WTIP: variants seen among roughly 807,000 people sequenced by gnomAD.
WTIP encodes WT1 interacting protein, also known as Wilms tumor protein 1-interacting protein.
A neutral mutation model predicts 41.7 loss-of-function variants in WTIP; 23 were observed. That is an observed-to-expected ratio of 0.55 (90% CI 0.40 to 0.78). WTIP has a LOEUF of 0.78. Ranked by LOEUF, WTIP falls within the 30% of genes least tolerant of loss-of-function variation. The probability of loss-of-function intolerance (pLI) is 0.00; values close to 1 mark genes in which losing one functional copy is unlikely to be tolerated. For synonymous variants in WTIP, 314 were observed against 269.9 expected, an observed-to-expected ratio of 1.16 and a Z score of -1.60; for missense variants, 619 against 610.5, an observed-to-expected ratio of 1.01 and a Z score of -0.15.
Position 34,482,375 on chromosome 19 carries a change from C to A in WTIP, c.401C>A (p.Pro134Gln). 7.3e-7 allele frequency: 1 copy of A among 1,374,328 alleles called. No homozygotes were observed. The highest frequency in any genetic ancestry group is 9.4e-7 in the Non-Finnish European group (1 of 1,061,058). The allele number at this position is 1,374,328 out of a possible 1,614,324, so 85.1% of individuals were successfully genotyped here. A position where few individuals can be genotyped will look rare whatever the true frequency, so the allele number is the denominator to read the frequency against. ...GRSDPRPGPG[P>Q]PSVGSARSSV... ...TCGGACCCGCGTCCCGGTCCCGGGCCGCCTTCGGTGGGCAGCGCCCGCTCC... is the reference window on the plus strand; with the variant it reads ...TCGGACCCGCGTCCCGGTCCCGGGCAGCCTTCGGTGGGCAGCGCCCGCTCC... The change falls in exon 1 of 8, where the codon CCG becomes CAG. Residue 134 changes from proline (P) to glutamine (Q), a missense_variant. Physicochemically the swap from Pro to Gln is moderately conservative, Grantham distance 76. Around this residue, in one of 3 missense-constraint regions of WTIP, gnomAD observed 363 missense variants for 309.0 expected, o/e 1.17. Transcript: ENST00000590071.
Position 34,510,348 on chromosome 19 carries a change from G to C in WTIP, c.*10079G>C, listed in dbSNP as rs376757558. The C allele has an allele frequency of 6.6e-6, 1 of 152,276 alleles. No individual in the cohort carries two copies. The highest frequency in any genetic ancestry group is 1.5e-5 in the Non-Finnish European group (1 of 68,082). 9.4% of individuals were successfully genotyped at this position (152,276 alleles called of 1,614,324 possible). A position where few individuals can be genotyped will look rare whatever the true frequency, so the allele number is the denominator to read the frequency against. Reference sequence around the variant, plus strand: ...ATGGTAGCTGCCAAGGTTGGGGTTTGCACTCTCTGAAACCATGGGCTGAGC... The same window carrying C: ...ATGGTAGCTGCCAAGGTTGGGGTTTCCACTCTCTGAAACCATGGGCTGAGC... On this transcript the variant is annotated 3_prime_UTR_variant, in exon 8 of 8. Coordinates refer to ENST00000590071, the MANE Select transcript of WTIP (RefSeq NM_001080436.2).
chr19:34,500,929 C>T lies in WTIP; in HGVS notation c.*660C>T, dbSNP rs1463871149. On this transcript the variant is annotated 3_prime_UTR_variant, in exon 8 of 8. Coordinates refer to ENST00000590071, the MANE Select transcript of WTIP (RefSeq NM_001080436.2). The stretch of plus-strand genomic sequence containing the variant: ...GGCCCCAGTTGCCGCCCTGCTCCCT[C>T]TTCCAGGGCTCCTGGCTTGGGCCCC... 1.3e-5 allele frequency: 2 copies of T among 152,658 alleles called. No individual in the cohort carries two copies. The highest frequency in any genetic ancestry group is 3.9e-4 in the East Asian group (2 of 5,182). The allele number at this position is 152,658 out of a possible 1,614,324, so 9.5% of individuals were successfully genotyped here. A position where few individuals can be genotyped will look rare whatever the true frequency, so the allele number is the denominator to read the frequency against.
chr19:34,495,409 A>G (rs1187812214), intron 6 of WTIP, among the ~76,000 whole-genome samples: 1 of 151,742 alleles, frequency 6.6e-6, no homozygotes, highest in Non-Finnish European at 1.5e-5. Flanking sequence ...AAAAAAAAAA[A>G]GGATCAGTGA....
Position 34,494,587 on chromosome 19 carries a change from G to C in WTIP, c.1033G>C (p.Val345Leu). 6.2e-7 allele frequency: 1 copy of C among 1,613,260 alleles called. No homozygotes were observed. Among genetic ancestry groups the C allele is most frequent in the African/African-American group, 1.3e-5 (1 of 74,992 alleles). Residue 345 changes from valine (V) to leucine (L), a missense_variant and splice_region_variant, in exon 6 of 8, where the codon GTT becomes CTT. Physicochemically the swap from Val to Leu is conservative, Grantham distance 32. Around this residue, in one of 3 missense-constraint regions of WTIP, gnomAD observed 164 missense variants for 219.1 expected, o/e 0.75. Coordinates refer to ENST00000590071, the MANE Select transcript of WTIP (RefSeq NM_001080436.2). ...TTCTGGTTTCCTTTATTTCTCTAGG[G>C]TTTTTGCACCAAAATGCGCCTCCTG... ...NIYCVRDYHT[V>L]FAPKCASCAR...
At chr19:34,497,253 C>T (rs1024901062) in intron 7 of WTIP, among the ~76,000 whole-genome samples, 1 of 152,194 alleles carries the variant, frequency 6.6e-6, no homozygotes, top group Admixed American at 6.5e-5. Context: ...CCCTGGGCAG[C>T]TGGAGCAGTC....
At position 34,509,604 on chromosome 19, in the gene WTIP, AC is replaced by A. The variant is rs1486318830; in HGVS notation, c.*9337del. ...AAATCTCATGTCCTCACATTTCAAA[AC>A]CAATCATGACTTCCCAACAGTCCCC... is the stretch of plus-strand genomic sequence containing the variant. On this transcript the variant is annotated 3_prime_UTR_variant, in exon 8 of 8. Transcript: ENST00000590071. The A allele has an allele frequency of 1.5e-4, 23 of 152,258 alleles. No individual in the cohort carries two copies. The highest frequency in any genetic ancestry group is 5.3e-4 in the African/African-American group (22 of 41,542). The allele number at this position is 152,258 out of a possible 1,614,324, so 9.4% of individuals were successfully genotyped here.
Position 34,481,953 on chromosome 19 carries a change from G to A in WTIP, c.-22G>A. 5 of 997,156 alleles carry A rather than the reference G, an allele frequency of 5.0e-6. No homozygotes were observed. The highest frequency in any genetic ancestry group is 6.0e-6 in the Non-Finnish European group (5 of 839,098). 61.8% of individuals were successfully genotyped at this position (997,156 alleles called of 1,614,324 possible). A position where few individuals can be genotyped will look rare whatever the true frequency, so the allele number is the denominator to read the frequency against. ...CGGGAAGCGGAGGCGGAGGTGACGC[G>A]CCAGGGCCGGCGGGCCGGGCCATGC... On this transcript the variant is annotated 5_prime_UTR_variant, in exon 1 of 8. Coordinates refer to ENST00000590071, the MANE Select transcript of WTIP (RefSeq NM_001080436.2).
At chr19:34,494,975 G>A (rs1439092041) in intron 6 of WTIP, among the ~76,000 whole-genome samples, 1 of 152,238 alleles carries the variant, frequency 6.6e-6, no homozygotes, top group Non-Finnish European at 1.5e-5. Context: ...GATGGACGTG[G>A]TCTGTGCGGG....
Position 34,490,289 on chromosome 19 carries a change from G to A in WTIP, c.668-87G>A, listed in dbSNP as rs572801974. 59 of 1,248,342 alleles carry A rather than the reference G, an allele frequency of 4.7e-5. No homozygotes were observed. The African/African-American group carries it at 8.1e-4, about 17-fold the overall frequency. The allele number at this position is 1,248,342 out of a possible 1,614,324, so 77.3% of individuals were successfully genotyped here. On this transcript the variant is annotated intron_variant, in intron 1 of 7. Coordinates refer to ENST00000590071, the MANE Select transcript of WTIP (RefSeq NM_001080436.2). ...AAAGTTAGCATCCCCCAGGTCAAGC[G>A]GGTGGGCGGTGTCAAGACGGGGAGT...
Position 34,506,771 on chromosome 19 carries a change from A to G in WTIP, c.*6502A>G, listed in dbSNP as rs1306018546. On this transcript the variant is annotated 3_prime_UTR_variant, in exon 8 of 8. Transcript: ENST00000590071. Reference sequence around the variant, plus strand: ...CTAGACGCTATCTCAAAAATAAATAAATAAATAAATAAATAAATAAATAAA... The same window carrying G: ...CTAGACGCTATCTCAAAAATAAATAGATAAATAAATAAATAAATAAATAAA... 7.6e-6 allele frequency: 1 copy of G among 131,764 alleles called. No homozygotes were observed. The highest frequency in any genetic ancestry group is 2.7e-5 in the African/African-American group (1 of 37,254). 8.2% of individuals were successfully genotyped at this position (131,764 alleles called of 1,614,324 possible).
intron 1 of WTIP, among the ~76,000 whole-genome samples, chr19:34,484,338 T>C (rs1190207389): frequency 2.6e-5 from 4 of 152,094 alleles, no homozygotes; most frequent in Non-Finnish European, 4.4e-5. Context: ...ATTGCCCCGC[T>C]CTTCCCCCTG....
intron 7 of WTIP, among the ~76,000 whole-genome samples, chr19:34,499,878 T>C (rs2075875046): frequency 6.6e-6 from 1 of 152,012 alleles, no homozygotes; most frequent in Non-Finnish European, 1.5e-5. Context: ...TTTGTATTTT[T>C]AGTAGAGACA....
intron 1 of WTIP, among the ~76,000 whole-genome samples, chr19:34,488,891 A>AG (rs1322712079): frequency 9.6e-6 from 1 of 103,750 alleles, no homozygotes; most frequent in Non-Finnish European, 1.9e-5. Context: ...CAACAGAGCG[A>AG]GACTCTCCTA....
In WTIP at chr19:34,481,980, G is replaced by A; in HGVS notation, c.6G>A (p.Gln2=). The A allele has an allele frequency of 9.9e-7, 1 of 1,007,830 alleles. No individual in the cohort carries two copies. The highest frequency in any genetic ancestry group is 1.2e-6 in the Non-Finnish European group (1 of 846,016). 62.4% of individuals were successfully genotyped at this position (1,007,830 alleles called of 1,614,324 possible). A position where few individuals can be genotyped will look rare whatever the true frequency, so the allele number is the denominator to read the frequency against. ...CAGGGCCGGCGGGCCGGGCCATGCA[G>A]CGCTCCAGGGCGGGCGCGGACGAGG... The part of the protein sequence containing the change: M[Q]RSRAGADEAA... Residue 2 remains glutamine (Q), a synonymous_variant, in exon 1 of 8, where the codon CAG becomes CAA. Transcript: ENST00000590071.
chr19:34,482,484 C>G lies in WTIP; in HGVS notation c.510C>G (p.Arg170=). The change falls in exon 1 of 8, where the codon CGC becomes CGG. Residue 170 remains arginine, a synonymous_variant. Transcript: ENST00000590071. ...CCGGCGCCTGCCCCGCGCCCGCTCG[C>G]TCCCCGGAGCCTGCGGGGCCGGCTC... The part of the protein sequence containing the change: ...LPPGACPAPA[R]SPEPAGPAPF... The G allele has an allele frequency of 3.2e-6, 4 of 1,245,564 alleles. No homozygotes were observed. The highest frequency in any genetic ancestry group is 4.0e-6 in the Non-Finnish European group (4 of 998,480). The allele number at this position is 1,245,564 out of a possible 1,614,324, so 77.2% of individuals were successfully genotyped here. A position where few individuals can be genotyped will look rare whatever the true frequency, so the allele number is the denominator to read the frequency against.
chr19:34,484,333 C>G (rs1462369184), intron 1 of WTIP, among the ~76,000 whole-genome samples: 1 of 152,062 alleles, frequency 6.6e-6, no homozygotes, highest in Non-Finnish European at 1.5e-5. Context: ...GAGAGATTGC[C>G]CCGCTCTTCC....
intron 7 of WTIP, 47 bp downstream of exon 7, chr19:34,495,818 C>T: frequency 1.3e-6 from 2 of 1,584,576 alleles, no homozygotes; most frequent in Middle Eastern, 1.7e-4. Context: ...AGGCCTCCTC[C>T]CACAGGGCTC....
At position 34,500,379 on chromosome 19, in the gene WTIP, G is replaced by A; in HGVS notation, c.*110G>A. On this transcript the variant is annotated 3_prime_UTR_variant, in exon 8 of 8. Coordinates refer to ENST00000590071, the MANE Select transcript of WTIP (RefSeq NM_001080436.2). ...AGCTCCCTCCAATCAGTTTCCCACC[G>A]AGCTGCTGTCTGCAGGGGCCGGACC... 6.6e-6 allele frequency: 9 copies of A among 1,368,334 alleles called. No homozygotes were observed. The highest frequency in any genetic ancestry group is 2.1e-4 in the Middle Eastern group (1 of 4,726). The allele number at this position is 1,368,334 out of a possible 1,614,324, so 84.8% of individuals were successfully genotyped here.
chr19:34,487,990 A>G (rs774665081), intron 1 of WTIP, among the ~76,000 whole-genome samples: 3 of 152,086 alleles, frequency 2.0e-5, no homozygotes, highest in Non-Finnish European at 4.4e-5. Context: ...TCCCCGCTGC[A>G]TGCTGAGTAC....
Sources: gnomAD v4.1 joint callset for allele counts (sites outside exome capture counted in the v4.1 genomes callset) on GRCh38, gnomAD v4.1.1 for gene constraint, gnomAD v4.1.1 regional missense constraint, MANE v1.5 for transcripts, NCBI Gene and HGNC (gene_info 2026-07-23, HGNC 2026-07-21) for gene names.